The following GLRA1 variants were observed in gnomAD, a reference collection of about 807,000 sequenced individuals.
The protein encoded by GLRA1 is glycine receptor subunit alpha-1.
A neutral mutation model predicts 48.3 loss-of-function variants in GLRA1; 37 were observed. The ratio of observed to expected loss-of-function variants is 0.77; its 90% CI spans 0.59 to 1.01. The LOEUF is 1.01. GLRA1 is among the 50% of genes least tolerant of loss of function. The probability of loss-of-function intolerance (pLI) is 0.00; values close to 1 mark genes in which losing one functional copy is unlikely to be tolerated. For synonymous variants in GLRA1, 196 were observed against 210.7 expected (o/e 0.93, Z 0.60); for missense variants, 427 against 571.0 (o/e 0.75, Z 2.57).
At chr5:151,859,513 G>A (rs1158399905) in intron 4 of GLRA1, among the ~76,000 whole-genome samples, 1 of 152,186 alleles carries the variant, frequency 6.6e-6, no homozygotes, top group Non-Finnish European at 1.5e-5. Context: ...TGATTGAAAT[G>A]CTGAGTAACT....
chr5:151,892,518 T>A, intron 1 of GLRA1, 80 bp from the exon 2 acceptor site: 1 of 1,462,804 alleles, frequency 6.8e-7, no homozygotes, highest in Admixed American at 1.8e-5. Flanking sequence ...TTGTCCAACC[T>A]CTGTAGAACC....
intron 7 of GLRA1, chr5:151,849,094 ATTTCT>A (rs745535157): frequency 0.02 from 5,027 of 250,214 alleles, 650 homozygotes; most frequent in South Asian, 0.035. Flanking sequence ...TTTCCTTTTT[ATTTCT>A]TTTCTTTTCT....
intron 1 of GLRA1, among the ~76,000 whole-genome samples, chr5:151,921,690 C>T (rs570879205): frequency 1.4e-4 from 21 of 152,156 alleles, no homozygotes; most frequent in Non-Finnish European, 2.9e-4. Context: ...TTGAAAGAAA[C>T]GTGCTTCTAC....
chr5:151,847,165 T>C (rs1368007068), intron 7 of GLRA1, among the ~76,000 whole-genome samples: 1 of 152,234 alleles, frequency 6.6e-6, no homozygotes, highest in East Asian at 1.9e-4. Flanking sequence ...GTGCAAAACA[T>C]TGTTTTTAGC....
rs111262804 is a variant in GLRA1 at position 151,857,231 on chromosome 5, C to T, written c.477-848G>A. ...GCTGGGATGCAGCACCTTTGGGTGG[C>T]GGTGGGTGTGGACAACTCATGTTTA... On this transcript the variant is annotated intron_variant, in intron 4 of 8. Transcript: ENST00000274576. Among the ~76,000 whole-genome samples, 903 of 152,372 alleles carry T rather than the reference C, an allele frequency of 5.9e-3. 13 individuals are homozygous for T. The highest frequency in any genetic ancestry group is 0.021 in the African/African-American group (868 of 41,580).
chr5:151,893,925 G>A (rs1561575385), intron 1 of GLRA1, among the ~76,000 whole-genome samples: 2 of 152,124 alleles, frequency 1.3e-5, no homozygotes, highest in Admixed American at 1.3e-4. Context: ...GATCTTTGAG[G>A]AATTGCCACA....
chr5:151,854,940 A>C, intron 6 of GLRA1, 100 bp downstream of exon 6: 1 of 1,317,812 alleles, frequency 7.6e-7, no homozygotes, highest in South Asian at 1.2e-5. Flanking sequence ...CCACTAGGTA[A>C]TCTTCATAAG....
chr5:151,890,907 C>T (rs1264388269), intron 2 of GLRA1, among the ~76,000 whole-genome samples: 1 of 143,994 alleles, frequency 6.9e-6, no homozygotes, highest in South Asian at 2.4e-4. Context: ...GAAGGAGCCT[C>T]AAGGTAAATG....
At chr5:151,913,473 G>T (rs1754665124) in intron 1 of GLRA1, among the ~76,000 whole-genome samples, 1 of 152,194 alleles carries the variant, frequency 6.6e-6, no homozygotes, top group Non-Finnish European at 1.5e-5. Flanking sequence ...TTTGTGTGAA[G>T]TAAAGGAGTT....
At chr5:151,893,193 C>G (rs1754126373) in intron 1 of GLRA1, among the ~76,000 whole-genome samples, 1 of 152,132 alleles carries the variant, frequency 6.6e-6, no homozygotes, top group African/African-American at 2.4e-5. Flanking sequence ...TCTCCCACCC[C>G]ACACCCATTC....
At chr5:151,893,679 G>A (rs111640663) in intron 1 of GLRA1, among the ~76,000 whole-genome samples, 3,713 of 152,158 alleles carry the variant, frequency 0.024, 165 homozygotes, top group African/African-American at 0.086. Flanking sequence ...TCCCTGCAAA[G>A]GACATGAACT....
intron 7 of GLRA1, among the ~76,000 whole-genome samples, chr5:151,837,640 A>T (rs1763610665): frequency 6.6e-6 from 1 of 152,202 alleles, no homozygotes; most frequent in South Asian, 2.1e-4. Context: ...CATAAAAAGG[A>T]TGAGTTCATG....
At chr5:151,849,029 A>T (rs865909183) in intron 7 of GLRA1, 1 of 612,094 alleles carries the variant, frequency 1.6e-6, no homozygotes. Flanking sequence ...GACTCTGGAC[A>T]GTGAGCCCAA....
chr5:151,868,919 A>G (rs548568016), intron 3 of GLRA1, among the ~76,000 whole-genome samples: 2 of 152,208 alleles, frequency 1.3e-5, no homozygotes, highest in Admixed American at 1.3e-4. Flanking sequence ...GTGCATTCTC[A>G]TTTAGATATC....
At chr5:151,830,882 G>C (rs944664304) in intron 7 of GLRA1, among the ~76,000 whole-genome samples, 1 of 152,166 alleles carries the variant, frequency 6.6e-6, no homozygotes, top group Non-Finnish European at 1.5e-5. Flanking sequence ...GAACAGCTCC[G>C]GTCTGCAGCT....
intron 7 of GLRA1, among the ~76,000 whole-genome samples, chr5:151,842,214 T>A (rs1445116554): frequency 6.6e-6 from 1 of 152,134 alleles, no homozygotes; most frequent in East Asian, 1.9e-4. Context: ...ATCCTTCTTA[T>A]ACTCTCAGAG....
At chr5:151,883,791 A>G (rs1753825869) in intron 3 of GLRA1, among the ~76,000 whole-genome samples, 1 of 152,200 alleles carries the variant, frequency 6.6e-6, no homozygotes, top group Non-Finnish European at 1.5e-5. Flanking sequence ...CAACTTAAAT[A>G]CCTTGGCCAA....
chr5:151,915,837 G>A (rs891278447), intron 1 of GLRA1, among the ~76,000 whole-genome samples: 1 of 152,038 alleles, frequency 6.6e-6, no homozygotes, highest in Non-Finnish European at 1.5e-5. Context: ...TCCTTAAAGA[G>A]GTAATGTATG....
At chr5:151,852,314 T>G (rs1276896824) in intron 6 of GLRA1, among the ~76,000 whole-genome samples, 3 of 152,112 alleles carry the variant, frequency 2.0e-5, no homozygotes, top group Non-Finnish European at 2.9e-5. Context: ...AAATCTTCCT[T>G]CTCCTCCATG....
Sources: gnomAD v4.1 joint callset for allele counts (sites outside exome capture counted in the v4.1 genomes callset) on GRCh38, gnomAD v4.1.1 for gene constraint, MANE v1.5 for transcripts, NCBI Gene and HGNC (gene_info 2026-07-23, HGNC 2026-07-21) for gene names.